The following EXOC4 variants were observed in gnomAD, a reference collection of about 807,000 sequenced individuals.
The protein encoded by EXOC4 is SEC8-like 1.
Under a neutral mutation model 107.2 loss-of-function variants are expected in EXOC4, and 71 were observed. The ratio of observed to expected loss-of-function variants is 0.66; its 90% CI spans 0.55 to 0.81. The LOEUF is 0.81. EXOC4 is among the 30% of genes least tolerant of loss of function. The pLI, the probability that EXOC4 is intolerant of heterozygous loss-of-function variation, is 0.00. For synonymous variants in EXOC4, 456 were observed against 441.2 expected (o/e 1.03, Z -0.42); for missense variants, 1,108 against 1,189.6 (o/e 0.93, Z 1.01).
intron 5 of EXOC4, among the ~76,000 whole-genome samples, chr7:133,336,685 A>G (rs1279712399): frequency 7.5e-6 from 1 of 133,500 alleles, no homozygotes; most frequent in Non-Finnish European, 1.6e-5. Flanking sequence ...TTTCATTTTT[A>G]TTTTATTTAT....
intron 10 of EXOC4, among the ~76,000 whole-genome samples, chr7:133,730,116 T>C (rs1021283847): frequency 1.3e-5 from 2 of 149,372 alleles, no homozygotes; most frequent in Non-Finnish European, 3.0e-5. Context: ...CCAGCATTGC[T>C]ACTCTTTCTA....
intron 5 of EXOC4, among the ~76,000 whole-genome samples, chr7:133,354,278 C>T (rs1440943582): frequency 6.6e-6 from 1 of 151,998 alleles, no homozygotes; most frequent in African/African-American, 2.4e-5. Flanking sequence ...ATCACATTCT[C>T]CCTCTTTTCC....
rs1208518051 is a variant in EXOC4, at chr7:133,755,359, CG to C, written c.1515-61960del. Among the ~76,000 whole-genome samples, 3 of 93,236 alleles carry C rather than the reference CG, an allele frequency of 3.2e-5. No homozygotes were observed. The Admixed American group carries it at 3.4e-4, about 10-fold the overall frequency. 61.2% of individuals were successfully genotyped at this position (93,236 alleles called of 152,430 possible). Reference sequence around the variant, plus strand: ...ATACACATCTCTTTTTTTTTTTTGGCGGGGGGACAGAGTCTCACCCTGTCAC... The same window carrying C: ...ATACACATCTCTTTTTTTTTTTTGGCGGGGGACAGAGTCTCACCCTGTCAC... On this transcript the variant is annotated intron_variant, in intron 10 of 17. Transcript: ENST00000253861.
intron 10 of EXOC4, among the ~76,000 whole-genome samples, chr7:133,646,981 T>C (rs2151030470): frequency 6.6e-6 from 1 of 152,330 alleles, no homozygotes; most frequent in Non-Finnish European, 1.5e-5. Context: ...ATTATCAATA[T>C]GCATTTTCAC....
intron 9 of EXOC4, among the ~76,000 whole-genome samples, chr7:133,512,181 G>A (rs746913315): frequency 6.6e-6 from 1 of 152,142 alleles, no homozygotes; most frequent in Non-Finnish European, 1.5e-5. Context: ...TGTAATCCCA[G>A]CACTTTGGGA....
chr7:134,097,988 A>T, the EXOC4 span, among the ~76,000 whole-genome samples: 1 of 152,108 alleles, frequency 6.6e-6, no homozygotes, highest in South Asian at 2.1e-4. Flanking sequence ...TGAGCATGAG[A>T]CAATGAAGGC....
chr7:133,409,724 G>A (rs1009544859), intron 7 of EXOC4, among the ~76,000 whole-genome samples: 6 of 151,880 alleles, frequency 4.0e-5, no homozygotes, highest in African/African-American at 4.8e-5. Flanking sequence ...AATTGCCCTC[G>A]GGATCTGGTA....
chr7:134,027,425 C>T (rs889985203), intron 17 of EXOC4, among the ~76,000 whole-genome samples: 7 of 151,972 alleles, frequency 4.6e-5, no homozygotes, highest in East Asian at 1.9e-4. Flanking sequence ...TTTGGGAGGC[C>T]GAGGCGGGCA....
intron 7 of EXOC4, among the ~76,000 whole-genome samples, chr7:133,383,840 A>G (rs980969729): frequency 2.6e-5 from 4 of 152,046 alleles, no homozygotes; most frequent in African/African-American, 9.7e-5. Flanking sequence ...GATAACCTCT[A>G]TTTTGCGTGG....
chr7:133,912,468 T>C (rs1799717164), intron 12 of EXOC4, among the ~76,000 whole-genome samples: 1 of 152,242 alleles, frequency 6.6e-6, no homozygotes, highest in Admixed American at 6.5e-5. Flanking sequence ...AGAGGCATGG[T>C]GAAGGGCATG....
At chr7:134,100,859 G>A in the EXOC4 span, among the ~76,000 whole-genome samples, 2 of 128,446 alleles carry the variant, frequency 1.6e-5, no homozygotes, top group African/African-American at 5.4e-5. Context: ...CAGGAGAATC[G>A]CTTGAGCCTG....
intron 14 of EXOC4, among the ~76,000 whole-genome samples, chr7:133,940,325 A>G (rs1563065026): frequency 6.6e-6 from 1 of 152,218 alleles, no homozygotes; most frequent in Admixed American, 6.5e-5. Context: ...TGTCACTGAA[A>G]GTACCCAGTA....
At chr7:133,775,061 C>T (rs1181356937) in intron 10 of EXOC4, among the ~76,000 whole-genome samples, 1 of 152,136 alleles carries the variant, frequency 6.6e-6, no homozygotes, top group African/African-American at 2.4e-5. Context: ...AAAGAGTTAA[C>T]TCTATGGAGC....
intron 10 of EXOC4, among the ~76,000 whole-genome samples, chr7:133,735,209 G>A (rs1795415188): frequency 1.2e-5 from 1 of 85,782 alleles, no homozygotes. Flanking sequence ...GACAGAGGAA[G>A]ACTCTGTCTC....
chr7:133,433,810 A>G (rs181420630), intron 7 of EXOC4, among the ~76,000 whole-genome samples: 2 of 152,170 alleles, frequency 1.3e-5, no homozygotes, highest in Non-Finnish European at 2.9e-5. Flanking sequence ...CTTTAAAGAA[A>G]TGCTTACAAT....
intron 11 of EXOC4, among the ~76,000 whole-genome samples, chr7:133,882,757 A>G (rs894543168): frequency 9.2e-5 from 14 of 152,164 alleles, no homozygotes; most frequent in African/African-American, 3.4e-4. Flanking sequence ...AGCCCCAGGT[A>G]GCTGAATCAT....
chr7:133,962,879 CCA>C (rs1800978715), intron 14 of EXOC4, among the ~76,000 whole-genome samples: 1 of 152,194 alleles, frequency 6.6e-6, no homozygotes, highest in African/African-American at 2.4e-5. Flanking sequence ...TACGTTAATT[CCA>C]CACTGTGGCT....
intron 10 of EXOC4, among the ~76,000 whole-genome samples, chr7:133,792,869 C>A (rs1377402479): frequency 6.6e-6 from 1 of 152,072 alleles, no homozygotes; most frequent in Non-Finnish European, 1.5e-5. Context: ...ATAGAATAGT[C>A]AATGGCAGGT....
chr7:133,640,185 T>C (rs1222785355), intron 10 of EXOC4, among the ~76,000 whole-genome samples: 1 of 152,146 alleles, frequency 6.6e-6, no homozygotes, highest in Non-Finnish European at 1.5e-5. Context: ...GAAGACTTGC[T>C]TATATTGACA....
Sources: allele counts gnomAD v4.1 joint callset (sites outside exome capture counted in the v4.1 genomes callset), GRCh38; gene constraint gnomAD v4.1.1; transcripts MANE v1.5; gene names NCBI Gene and HGNC (gene_info 2026-07-23, HGNC 2026-07-21).